The following VPS37D variants were observed in gnomAD, a reference collection of about 807,000 sequenced individuals.
VPS37D encodes the protein vacuolar protein sorting-associated protein 37D.
A neutral mutation model predicts 22.0 loss-of-function variants in VPS37D; 5 were observed. The ratio of observed to expected loss-of-function variants is 0.23; its 90% CI spans 0.12 to 0.48. VPS37D has a LOEUF of 0.48. Ranked by LOEUF, VPS37D falls within the 20% of genes least tolerant of loss-of-function variation. The pLI, the probability that VPS37D is intolerant of heterozygous loss-of-function variation, is 0.99. For synonymous variants in VPS37D, 174 were observed against 159.3 expected, an observed-to-expected ratio of 1.09 and a Z score of -0.69; for missense variants, 384 against 345.8, an observed-to-expected ratio of 1.11 and a Z score of -0.88.
Position 73,667,885 on chromosome 7 carries a change from A to AGCGGAGCGGAGCCGGG in VPS37D, c.-64_-49dup, listed in dbSNP as rs1554608945. ...GGATCCTGGAGCCGGAGCGGAGCGGAGCGGAGCGGAGCCGGGGCGGAGCGG... is the reference window on the plus strand; with the variant it reads ...GGATCCTGGAGCCGGAGCGGAGCGGAGCGGAGCGGAGCCGGGGCGGAGCGGAGCCGGGGCGGAGCGG... On this transcript the variant is annotated 5_prime_UTR_variant, in exon 1 of 4. Transcript: ENST00000324941. The AGCGGAGCGGAGCCGGG allele has an allele frequency of 1.7e-5, 8 of 458,760 alleles. No individual in the cohort carries two copies. The highest frequency in any genetic ancestry group is 1.5e-4 in the East Asian group (1 of 6,760). 28.4% of individuals were successfully genotyped at this position (458,760 alleles called of 1,614,324 possible). A position where few individuals can be genotyped will look rare whatever the true frequency, so the allele number is the denominator to read the frequency against.
At chr7:73,669,384 C>A (rs1554609219) in intron 1 of VPS37D, 35 bp from the exon 2 acceptor site, 2 of 1,520,666 alleles carry the variant, frequency 1.3e-6, no homozygotes, top group Non-Finnish European at 1.8e-6. Flanking sequence ...GGGCAGATCC[C>A]CTGAGCGGGC....
intron 1 of VPS37D, among the ~76,000 whole-genome samples, chr7:73,668,979 A>C (rs996140686): frequency 6.6e-6 from 1 of 151,944 alleles, no homozygotes; most frequent in Non-Finnish European, 1.5e-5. Context: ...TTTTCGGTGC[A>C]AACACCTGAG....
At chr7:73,668,738 A>T (rs1554609109) in intron 1 of VPS37D, among the ~76,000 whole-genome samples, 1 of 151,842 alleles carries the variant, frequency 6.6e-6, no homozygotes, top group East Asian at 1.9e-4. Context: ...CTCCAGGGGC[A>T]GGGAGGGGAG....
chr7:73,670,568 G>A (rs1797484796), intron 3 of VPS37D, among the ~76,000 whole-genome samples: 1 of 152,224 alleles, frequency 6.6e-6, no homozygotes, highest in East Asian at 1.9e-4. Flanking sequence ...AGCACTTTGG[G>A]AGACCGAGGC....
rs1279116772 is a variant in VPS37D at position 73,671,105 on chromosome 7, G to T, written c.485G>T (p.Arg162Leu). ...GGCCGCGCCCTGGCCCACCTGAGGC[G>T]GACGCAGGCAGAGAAGCTGCAGGAG... ...QRGRALAHLRRTQAEKLQELL... is the reference protein window; with the variant it reads ...QRGRALAHLRLTQAEKLQELL... Residue 162 changes from arginine (R) to leucine (L), a missense_variant, in exon 4 of 4, where the codon CGG (arginine) becomes CTG (leucine). Physicochemically the swap from Arg to Leu is moderately radical, Grantham distance 102 (BLOSUM62 -2). Coordinates refer to ENST00000324941, the MANE Select transcript of VPS37D (RefSeq NM_001077621.2). 1.2e-6 allele frequency: 2 copies of T among 1,609,812 alleles called. No individual in the cohort carries two copies. The highest frequency in any genetic ancestry group is 2.2e-5 in the South Asian group (2 of 90,926).
upstream of VPS37D, among the ~76,000 whole-genome samples, chr7:73,666,861 C>T (rs1184417142): frequency 6.6e-6 from 1 of 151,992 alleles, no homozygotes; most frequent in Non-Finnish European, 1.5e-5. Flanking sequence ...AAACTGAGCT[C>T]AAGCAATCTC....
chr7:73,670,574 G>A (rs1402127632), intron 3 of VPS37D, among the ~76,000 whole-genome samples: 1 of 152,200 alleles, frequency 6.6e-6, no homozygotes, highest in Non-Finnish European at 1.5e-5. Context: ...TTGGGAGACC[G>A]AGGCGGGCGG....
intron 3 of VPS37D, among the ~76,000 whole-genome samples, 190 bp from the exon 4 acceptor site, chr7:73,670,824 A>AG (rs1376825281): frequency 4.0e-5 from 6 of 151,308 alleles, no homozygotes; most frequent in Non-Finnish European, 8.8e-5. Context: ...AAAAAAAAAA[A>AG]GTGGGAGGAC....
In VPS37D at chr7:73,671,126, A is replaced by T; in HGVS notation, c.506A>T (p.Gln169Leu). 1 of 1,608,534 alleles carries T rather than the reference A, an allele frequency of 6.2e-7. No homozygotes were observed. The highest frequency in any genetic ancestry group is 8.5e-7 in the Non-Finnish European group (1 of 1,179,262). Residue 169 changes from glutamine to leucine, a missense_variant, in exon 4 of 4, where the codon CAG becomes CTG. Transcript: ENST00000324941. ...HLRRTQAEKLQELLRRRERSA... is the reference protein window; with the variant it reads ...HLRRTQAEKLLELLRRRERSA... ...AGGCGGACGCAGGCAGAGAAGCTGC[A>T]GGAGCTGCTGCGGCGTCGGGAGCGT...
upstream of VPS37D, among the ~76,000 whole-genome samples, chr7:73,667,538 T>C (rs1297913088): frequency 6.6e-6 from 1 of 152,078 alleles, no homozygotes; most frequent in African/African-American, 2.4e-5. Context: ...AGTCAGAAAT[T>C]TGTTGTTGCC....
At chr7:73,667,205 A>G (rs889647841), upstream of VPS37D, among the ~76,000 whole-genome samples, 7 of 151,192 alleles carry the variant, frequency 4.6e-5, no homozygotes, top group Non-Finnish European at 1.0e-4. Context: ...CGATCTCCTG[A>G]CCTCGTGATC....
At chr7:73,668,792 G>C (rs1465323105) in intron 1 of VPS37D, among the ~76,000 whole-genome samples, 2 of 152,012 alleles carry the variant, frequency 1.3e-5, no homozygotes, top group Non-Finnish European at 2.9e-5. Flanking sequence ...CTCCAGGGCC[G>C]GGGCTGCTGT....
intron 2 of VPS37D, 49 bp from the exon 3 acceptor site, chr7:73,669,971 A>G: frequency 6.4e-7 from 1 of 1,551,156 alleles, no homozygotes; most frequent in Non-Finnish European, 8.7e-7. Context: ...GGAGAGTGCA[A>G]GCCCGGGGCC....
intron 2 of VPS37D, 42 bp from the exon 3 acceptor site, chr7:73,669,978 G>T: frequency 6.4e-7 from 1 of 1,551,302 alleles, no homozygotes; most frequent in Non-Finnish European, 8.7e-7. Flanking sequence ...GCAAGCCCGG[G>T]GCCCTGGCCT....
chr7:73,670,886 C>G, intron 3 of VPS37D, 128 bp from the exon 4 acceptor site: 1 of 1,339,954 alleles, frequency 7.5e-7, no homozygotes, highest in Non-Finnish European at 9.9e-7. Flanking sequence ...CAGGCTGGAA[C>G]GCAGGTCCCC....
upstream of VPS37D, among the ~76,000 whole-genome samples, chr7:73,666,942 T>C (rs889575757): frequency 2.0e-5 from 3 of 151,560 alleles, no homozygotes; most frequent in African/African-American, 7.3e-5. Context: ...TTAAAAGCAT[T>C]TAAATACTTT....
intron 2 of VPS37D, 49 bp from the exon 3 acceptor site, chr7:73,669,971 A>C: frequency 6.4e-6 from 10 of 1,551,156 alleles, no homozygotes; most frequent in Non-Finnish European, 8.7e-6. Flanking sequence ...GGAGAGTGCA[A>C]GCCCGGGGCC....
chr7:73,670,227 C>T (rs944762112), intron 3 of VPS37D, 125 bp downstream of exon 3: 57 of 1,444,786 alleles, frequency 3.9e-5, no homozygotes, highest in African/African-American at 1.4e-5. Context: ...GAATGCCTGG[C>T]GCATGCCAGA....
chr7:73,671,009 C>T lies in VPS37D; in HGVS notation c.394-5C>T, dbSNP rs370243025. ...TCCCAAGCCTTCCCTTCCCTCCCGG[C>T]CCAGGAGCAGATGGAGCAGCTGCTG... On this transcript the variant is annotated splice_polypyrimidine_tract_variant and splice_region_variant and intron_variant, in intron 3 of 3. Transcript: ENST00000324941. 132 of 1,611,346 alleles carry T rather than the reference C, an allele frequency of 8.2e-5. 2 individuals are homozygous for T. The highest frequency in any genetic ancestry group is 6.5e-4 in the East Asian group (29 of 44,784).
Sources: gnomAD v4.1 joint callset for allele counts (sites outside exome capture counted in the v4.1 genomes callset) on GRCh38, gnomAD v4.1.1 for gene constraint, MANE v1.5 for transcripts, NCBI Gene and HGNC (gene_info 2026-07-23, HGNC 2026-07-21) for gene names.